Variants in MYO1D observed in about 807,000 individuals in gnomAD.
The protein encoded by MYO1D is myosin ID.
In MYO1D, 83 loss-of-function variants were observed where a neutral mutation model predicts 122.0. The ratio of observed to expected loss-of-function variants is 0.68; its 90% confidence interval spans 0.57 to 0.82. The LOEUF (loss-of-function observed/expected upper bound fraction) is 0.82. Among genes scored for constraint, MYO1D ranks in the 40% least tolerant of loss-of-function variants. MYO1D has a pLI of 0.00. For synonymous variants in MYO1D, 464 were observed against 446.9 expected (o/e 1.04, Z -0.48); for missense variants, 1,157 against 1,269.5 (o/e 0.91, Z 1.35).
intron 8 of MYO1D, among the ~76,000 whole-genome samples, chr17:32,762,201 A>C (rs2090008549): frequency 6.6e-6 from 1 of 152,092 alleles, no homozygotes; most frequent in East Asian, 1.9e-4. Flanking sequence ...ACAGATGTGC[A>C]CAGGCCCTGT....
intron 7 of MYO1D, among the ~76,000 whole-genome samples, chr17:32,767,408 A>C (rs776756875): frequency 1.3e-5 from 2 of 152,244 alleles, no homozygotes; most frequent in Non-Finnish European, 2.9e-5. Context: ...TGACAATACC[A>C]GTAAGACAAT....
intron 1 of MYO1D, among the ~76,000 whole-genome samples, chr17:32,869,739 T>C (rs2091162536): frequency 1.3e-5 from 2 of 151,962 alleles, no homozygotes; most frequent in Non-Finnish European, 1.5e-5. Flanking sequence ...AAAGCCAAAG[T>C]GTATCTCTTT....
chr17:32,797,540 T>C (rs2090427740), intron 1 of MYO1D, among the ~76,000 whole-genome samples: 4 of 152,202 alleles, frequency 2.6e-5, no homozygotes, highest in African/African-American at 7.2e-5. Context: ...TTTATTACAG[T>C]TTATTGTTAT....
chr17:32,578,387 T>C (rs62062515), intron 21 of MYO1D, among the ~76,000 whole-genome samples: 5,265 of 152,296 alleles, frequency 0.035, 97 homozygotes, highest in Middle Eastern at 0.075. Context: ...AGGTTACTAC[T>C]TTCACCTGAT....
chr17:32,605,671 C>A (rs1177227880), intron 20 of MYO1D, among the ~76,000 whole-genome samples: 1 of 151,996 alleles, frequency 6.6e-6, no homozygotes, highest in Non-Finnish European at 1.5e-5. Flanking sequence ...GAACTTATTG[C>A]CAATATCAGG....
intron 1 of MYO1D, among the ~76,000 whole-genome samples, chr17:32,816,404 T>C (rs2090614067): frequency 6.6e-6 from 1 of 152,186 alleles, no homozygotes. Context: ...AAGGTTAATG[T>C]CCTAGACCAA....
At chr17:32,829,084 T>C (rs1199308615) in intron 1 of MYO1D, among the ~76,000 whole-genome samples, 3 of 152,228 alleles carry the variant, frequency 2.0e-5, no homozygotes, top group Non-Finnish European at 4.4e-5. Context: ...AAATATGCTA[T>C]GGTGTGTGCC....
chr17:32,586,513 T>C (rs2087387885), intron 21 of MYO1D, among the ~76,000 whole-genome samples: 1 of 152,242 alleles, frequency 6.6e-6, no homozygotes, highest in African/African-American at 2.4e-5. Context: ...CATCAAAATA[T>C]AAGTTATCCT....
At chr17:32,513,140 G>A (rs191769604) in intron 21 of MYO1D, among the ~76,000 whole-genome samples, 3 of 152,242 alleles carry the variant, frequency 2.0e-5, no homozygotes, top group Admixed American at 1.3e-4. Context: ...CCTAAAAGAG[G>A]GTGTGGTATA....
chr17:32,771,263 T>C, intron 5 of MYO1D, 43 bp from the exon 6 acceptor site: 1 of 1,374,622 alleles, frequency 7.3e-7, no homozygotes. Flanking sequence ...AGACATACAT[T>C]GAACCAAACA....
chr17:32,557,707 A>C (rs1238004823), intron 21 of MYO1D, among the ~76,000 whole-genome samples: 1 of 151,994 alleles, frequency 6.6e-6, no homozygotes, highest in Non-Finnish European at 1.5e-5. Context: ...TTCGCTCAGC[A>C]AAGTCTTTCT....
intron 20 of MYO1D, 57 bp downstream of exon 20, chr17:32,638,665 T>C: frequency 2.5e-6 from 3 of 1,191,110 alleles, no homozygotes; most frequent in Non-Finnish European, 3.7e-6. Context: ...GACCCATTAG[T>C]GGTCCATGAG....
In MYO1D at chr17:32,696,761, C is replaced by T. The variant is rs73280054; in HGVS notation, c.2121+15227G>A. Among the ~76,000 whole-genome samples, 233 of 152,294 alleles carry T rather than the reference C, an allele frequency of 1.5e-3. 1 individual carries two copies. The highest frequency in any genetic ancestry group is 5.2e-3 in the African/African-American group (217 of 41,552). ...TATGGAAAGGCTGTTTTAGTAATTC[C>T]AAAGACTAAGACTAGTCTATGTTTG... On this transcript the variant is annotated intron_variant, in intron 16 of 21. Transcript: ENST00000318217.
At chr17:32,705,369 C>T (rs756767916) in intron 16 of MYO1D, among the ~76,000 whole-genome samples, 5 of 152,186 alleles carry the variant, frequency 3.3e-5, no homozygotes, top group African/African-American at 4.8e-5. Context: ...ACGCCATTCT[C>T]CTGTCTCAGC....
intron 1 of MYO1D, among the ~76,000 whole-genome samples, chr17:32,806,700 A>G (rs1354446734): frequency 1.3e-5 from 2 of 152,218 alleles, no homozygotes; most frequent in African/African-American, 4.8e-5. Flanking sequence ...TTGAATATCT[A>G]AAGAGATTAA....
At chr17:32,506,072 A>G (rs57562101) in intron 21 of MYO1D, among the ~76,000 whole-genome samples, 5,719 of 152,200 alleles carry the variant, frequency 0.038, 354 homozygotes, top group African/African-American at 0.13. Context: ...GAAATTAAAT[A>G]AGACAAGACT....
In MYO1D at chr17:32,626,758, G is replaced by C. The variant is rs321157; in HGVS notation, c.2709+11964C>G. 5.9e-3 allele frequency among the ~76,000 whole-genome samples: 891 copies of C among 152,062 alleles called. 11 individuals are homozygous for C. Among genetic ancestry groups the C allele is most frequent in the African/African-American group, 0.02 (826 of 41,454 alleles). On this transcript the variant is annotated intron_variant, in intron 20 of 21. Coordinates refer to ENST00000318217, the MANE Select transcript of MYO1D (RefSeq NM_015194.3). Reference sequence around the variant, plus strand: ...AACACATGTCAGGAAAACCATCAACGGGGGAGCTCTGAAATTCTGACTTCT... The same window carrying C: ...AACACATGTCAGGAAAACCATCAACCGGGGAGCTCTGAAATTCTGACTTCT...
intron 1 of MYO1D, among the ~76,000 whole-genome samples, chr17:32,812,959 G>A (rs1336906877): frequency 1.3e-5 from 2 of 152,130 alleles, no homozygotes; most frequent in African/African-American, 4.8e-5. Flanking sequence ...ATTTTGCCAA[G>A]CAAATATAAC....
At chr17:32,637,084 A>G (rs2088111047) in intron 20 of MYO1D, among the ~76,000 whole-genome samples, 1 of 152,174 alleles carries the variant, frequency 6.6e-6, no homozygotes, top group Non-Finnish European at 1.5e-5. Context: ...GACTATAAAA[A>G]CCAGTTGACA....
Sources: gnomAD v4.1 joint callset for allele counts (sites outside exome capture counted in the v4.1 genomes callset) on GRCh38, gnomAD v4.1.1 for gene constraint, MANE v1.5 for transcripts, NCBI Gene and HGNC (gene_info 2026-07-23, HGNC 2026-07-21) for gene names.